SELE: variants seen among roughly 807,000 people sequenced by gnomAD.
SELE encodes E-selectin.
SELE carries 52 observed loss-of-function variants against 75.8 expected under a neutral mutation model. The ratio of observed to expected loss-of-function variants is 0.69; its 90% CI spans 0.55 to 0.86. The LOEUF is 0.86. Ranked by LOEUF, SELE falls within the 40% of genes least tolerant of loss-of-function variation. The pLI is 0.00. For missense variants in SELE, 754 were observed against 732.7 expected, an observed-to-expected ratio of 1.03 and a Z score of -0.34; for synonymous variants, 285 against 258.7, an observed-to-expected ratio of 1.10 and a Z score of -0.98.
In SELE at chr1:169,724,444, C is replaced by A. The variant is rs1264674601; in HGVS notation, c.*81G>T. ...ATAGTAGGCAAGAAGGGCCAGAGAC[C>A]CGAGGAGAGTTATCTGTCTCTGTTA... On this transcript the variant is annotated 3_prime_UTR_variant, in exon 14 of 14. Transcript: ENST00000333360. The A allele has an allele frequency of 6.6e-6, 1 of 152,180 alleles. No homozygotes were observed. The highest frequency in any genetic ancestry group is 1.5e-5 in the Non-Finnish European group (1 of 68,034). The allele number at this position is 152,180 out of a possible 1,614,324, so 9.4% of individuals were successfully genotyped here. A position where few individuals can be genotyped will look rare whatever the true frequency, so the allele number is the denominator to read the frequency against.
chr1:169,728,775 C>T (rs1296265041), intron 7 of SELE, among the ~76,000 whole-genome samples: 1 of 152,246 alleles, frequency 6.6e-6, no homozygotes, highest in Non-Finnish European at 1.5e-5. Flanking sequence ...TCAATACTAT[C>T]TCTGTAGCTG....
Position 169,723,633 on chromosome 1 carries a change from A to G in SELE, c.*892T>C, listed in dbSNP as rs1388879290. ...TGTTTTCAAAAAACAACTGTAGTAA[A>G]AACACTCAGAACTTTATTCTGGTTA... On this transcript the variant is annotated 3_prime_UTR_variant, in exon 14 of 14. Coordinates refer to ENST00000333360, the MANE Select transcript of SELE (RefSeq NM_000450.2). 6.6e-6 allele frequency: 1 copy of G among 152,238 alleles called. No individual in the cohort carries two copies. Among genetic ancestry groups the G allele is most frequent in the African/African-American group, 2.4e-5 (1 of 41,456 alleles). The allele number at this position is 152,238 out of a possible 1,614,324, so 9.4% of individuals were successfully genotyped here.
At chr1:169,728,560 A>G (rs927355220) in intron 7 of SELE, among the ~76,000 whole-genome samples, 3 of 152,196 alleles carry the variant, frequency 2.0e-5, no homozygotes, top group African/African-American at 7.2e-5. Context: ...ATGTTTATAG[A>G]TGGTGCCAAA....
chr1:169,730,316 A>G (rs1478223610), intron 5 of SELE, 116 bp downstream of exon 5: 3 of 982,470 alleles, frequency 3.1e-6, no homozygotes, highest in African/African-American at 3.8e-5. Flanking sequence ...ATTGTATTAA[A>G]AACAAAAACA....
chr1:169,730,359 T>C, intron 5 of SELE, 73 bp downstream of exon 5: 1 of 1,305,658 alleles, frequency 7.7e-7, no homozygotes, highest in Admixed American at 2.4e-5. Context: ...TTTGAAAATG[T>C]AAGTTGAATC....
intron 7 of SELE, among the ~76,000 whole-genome samples, chr1:169,728,803 G>A (rs1648837960): frequency 6.6e-6 from 1 of 152,194 alleles, no homozygotes; most frequent in African/African-American, 2.4e-5. Context: ...GCTTGAAACA[G>A]TCTCATCACT....
At chr1:169,733,911 C>G (rs1406327190) in intron 1 of SELE, 60 bp downstream of exon 1, 1 of 422,310 alleles carries the variant, frequency 2.4e-6, no homozygotes, top group East Asian at 4.5e-5. Context: ...TATTAGAAGG[C>G]CTTTTGCATA....
Position 169,723,919 on chromosome 1 carries a change from G to A in SELE, c.*606C>T, listed in dbSNP as rs1462176157. The stretch of plus-strand genomic sequence containing the variant: ...TCTTTAAGAAGCACTGAATCCCATA[G>A]GGATGAAAGTGATTAAATTGTGCAT... On this transcript the variant is annotated 3_prime_UTR_variant, in exon 14 of 14. Transcript: ENST00000333360. 6.6e-6 allele frequency: 1 copy of A among 152,180 alleles called. No homozygotes were observed. The highest frequency in any genetic ancestry group is 2.4e-5 in the African/African-American group (1 of 41,452). 9.4% of individuals were successfully genotyped at this position (152,180 alleles called of 1,614,324 possible). A position where few individuals can be genotyped will look rare whatever the true frequency, so the allele number is the denominator to read the frequency against.
chr1:169,729,902 T>C (rs1432257891), intron 5 of SELE, among the ~76,000 whole-genome samples: 2 of 152,228 alleles, frequency 1.3e-5, no homozygotes, highest in African/African-American at 2.4e-5. Flanking sequence ...CTCTAATCTA[T>C]GTTATCATTT....
At chr1:169,731,698 T>C (rs1648915880) in intron 4 of SELE, 137 bp downstream of exon 4, 2 of 593,978 alleles carry the variant, frequency 3.4e-6, no homozygotes, top group Non-Finnish European at 6.1e-6. Flanking sequence ...TCTGACTTCA[T>C]AGTCTCAGCT....
chr1:169,728,339 T>C (rs1355381033), intron 7 of SELE, 93 bp from the exon 8 acceptor site: 8 of 1,177,244 alleles, frequency 6.8e-6, no homozygotes, highest in Non-Finnish European at 9.5e-6. Context: ...CAAGCAACAC[T>C]TGGAGAACTG....
chr1:169,730,077 T>C (rs751523420), intron 5 of SELE, among the ~76,000 whole-genome samples: 15 of 152,166 alleles, frequency 9.9e-5, no homozygotes, highest in Non-Finnish European at 2.2e-4. Flanking sequence ...GAAAAAGAGA[T>C]ACTAAGACTG....
At chr1:169,733,118 C>A (rs1648956780) in intron 2 of SELE, 120 bp from the exon 3 acceptor site, 1 of 1,028,746 alleles carries the variant, frequency 9.7e-7, no homozygotes. Context: ...AGACTTTTCT[C>A]ATCTTTTCAA....
intron 5 of SELE, 140 bp downstream of exon 5, chr1:169,730,292 G>T: frequency 2.7e-6 from 2 of 737,242 alleles, no homozygotes; most frequent in Non-Finnish European, 4.2e-6. Context: ...AATATACATT[G>T]GCTGAGAGAA....
chr1:169,733,490 G>A, intron 2 of SELE, 86 bp downstream of exon 2: 1 of 1,336,778 alleles, frequency 7.5e-7, no homozygotes, highest in Non-Finnish European at 1.1e-6. Flanking sequence ...TCCTGTGCAG[G>A]ACAGCCCCAG....
At position 169,732,881 on chromosome 1, in the gene SELE, T is replaced by C. The variant is rs2101994101; in HGVS notation, c.155A>G (p.Asn52Ser). Residue 52 changes from asparagine to serine, a missense_variant, in exon 3 of 14, where the codon AAC (asparagine) becomes AGC (serine). By Grantham distance (46) the Asn-to-Ser change is conservative. Transcript: ENST00000333360. ...QRYTHLVAIQ[N>S]KEEIEYLNSI... ...GTTTAGGTACTCAATCTCTTCTTTG[T>C]TTTGAATTGCAACCAGGTGTGTGTA... The C allele has an allele frequency of 6.2e-7, 1 of 1,614,180 alleles. No individual in the cohort carries two copies. The highest frequency in any genetic ancestry group is 8.5e-7 in the Non-Finnish European group (1 of 1,180,014).
chr1:169,728,348 T>A (rs1648829059), intron 7 of SELE, 102 bp from the exon 8 acceptor site: 2 of 1,093,026 alleles, frequency 1.8e-6, no homozygotes, highest in Non-Finnish European at 2.6e-6. Flanking sequence ...CTTGGAGAAC[T>A]GAAGATTCTT....
Position 169,730,523 on chromosome 1 carries a change from G to T in SELE, c.624C>A (p.Ile208=). 2 of 1,613,994 alleles carry T rather than the reference G, an allele frequency of 1.2e-6. No homozygotes were observed. The highest frequency in any genetic ancestry group is 1.7e-6 in the Non-Finnish European group (2 of 1,179,924). ...TTGGCAGGTAACCCCTATCACAGCT[G>T]ATAGAGCAGGAAGAATTGTAGCTGA... ...GNFSYNSSCS[I]SCDRGYLPSS... The change falls in exon 5 of 14, where the codon ATC becomes ATA. Residue 208 remains isoleucine, a synonymous_variant. Transcript: ENST00000333360.
chr1:169,727,505 C>T lies in SELE; in HGVS notation c.1489G>A (p.Ala497Thr), dbSNP rs764380937. The T allele has an allele frequency of 1.2e-6, 2 of 1,613,786 alleles. No homozygotes were observed. The highest frequency in any genetic ancestry group is 1.7e-6 in the Non-Finnish European group (2 of 1,179,908). Residue 497 changes from alanine to threonine, a missense_variant, in exon 10 of 14, where the codon GCA becomes ACA. By Grantham distance (58) the Ala-to-Thr change is moderately conservative (BLOSUM62 0). Coordinates refer to ENST00000333360, the MANE Select transcript of SELE (RefSeq NM_000450.2). ...CTCATGTTGATCTTTCCCGGAACTG[C>T]CAGGCTTGAACATTTTACCACTGCA... ...SCQVVKCSSL[A>T]VPGKINMSCS...
Sources: gnomAD v4.1 joint callset for allele counts (sites outside exome capture counted in the v4.1 genomes callset) on GRCh38, gnomAD v4.1.1 for gene constraint, MANE v1.5 for transcripts, NCBI Gene and HGNC (gene_info 2026-07-23, HGNC 2026-07-21) for gene names.